Variants in CMIP observed in about 807,000 individuals in gnomAD.
The protein encoded by CMIP is c-Maf inducing protein, also known as C-Maf-inducing protein.
CMIP carries 13 observed loss-of-function variants against 97.3 expected under a neutral mutation model. The observed-to-expected ratio is 0.13, with a 90% CI of 0.09 to 0.21. The LOEUF is 0.21. Among genes scored for constraint, CMIP ranks in the 10% least tolerant of loss-of-function variants. The pLI is 1.00. For missense variants in CMIP, 847 were observed against 1,024.9 expected (o/e 0.83, Z 2.37); for synonymous variants, 538 against 436.3 (o/e 1.23, Z -2.91).
chr16:81,620,114 T>C (rs1358029675), intron 2 of CMIP: 1 of 152,220 alleles, frequency 6.6e-6, no homozygotes, highest in Admixed American at 6.5e-5. Flanking sequence ...TTCTGGTCTT[T>C]AAAACATCCC....
chr16:81,662,797 G>A (rs1173021621), intron 6 of CMIP, among the ~76,000 whole-genome samples: 3 of 152,240 alleles, frequency 2.0e-5, no homozygotes, highest in South Asian at 4.2e-4. Flanking sequence ...ACAAAACACC[G>A]CGCTGGTGAT....
At chr16:81,702,123 C>G (rs1008223085) in intron 16 of CMIP, among the ~76,000 whole-genome samples, 1 of 152,160 alleles carries the variant, frequency 6.6e-6, no homozygotes, top group African/African-American at 2.4e-5. Context: ...TGCTGAAGGA[C>G]TTTGTATGTC....
intron 1 of CMIP, among the ~76,000 whole-genome samples, chr16:81,586,564 C>T (rs2091385963): frequency 6.6e-6 from 1 of 152,170 alleles, no homozygotes. Context: ...GCACTGTAGC[C>T]TGCCACGCAA....
chr16:81,685,362 G>A (rs776779723), intron 10 of CMIP, among the ~76,000 whole-genome samples: 23 of 152,100 alleles, frequency 1.5e-4, no homozygotes, highest in Non-Finnish European at 2.2e-4. Context: ...TACAGGCCAC[G>A]CTCACGGTTC....
intron 1 of CMIP, among the ~76,000 whole-genome samples, chr16:81,487,744 G>A (rs1567540182): frequency 6.6e-6 from 1 of 152,192 alleles, no homozygotes; most frequent in Non-Finnish European, 1.5e-5. Context: ...AGGATTAAAG[G>A]AAAAAACCCA....
intron 1 of CMIP, among the ~76,000 whole-genome samples, chr16:81,511,497 C>G (rs1158255707): frequency 6.6e-6 from 1 of 152,236 alleles, no homozygotes. Context: ...ATTGCTTCCT[C>G]ATGGTGTCAT....
intron 8 of CMIP, among the ~76,000 whole-genome samples, chr16:81,671,197 T>C (rs2092680459): frequency 6.6e-6 from 1 of 152,228 alleles, no homozygotes; most frequent in Admixed American, 6.5e-5. Flanking sequence ...ATTTCCTAAA[T>C]ATGCCCACTT....
chr16:81,685,722 T>G (rs1905309540), intron 10 of CMIP, among the ~76,000 whole-genome samples: 1 of 151,550 alleles, frequency 6.6e-6, no homozygotes, highest in South Asian at 2.1e-4. Flanking sequence ...TTTTTTTTTT[T>G]TTTTTTAACT....
chr16:81,652,478 C>T lies in CMIP; in HGVS notation c.639+114C>T, dbSNP rs2092439450. The T allele has an allele frequency of 5.2e-6, 5 of 956,776 alleles. No individual in the cohort carries two copies. Among genetic ancestry groups the T allele is most frequent in the Non-Finnish European group, 7.8e-6 (5 of 637,170 alleles). The allele number at this position is 956,776 out of a possible 1,614,324, so 59.3% of individuals were successfully genotyped here. ...GCTCCGTGTGGGCTGTGTTGTTGCC[C>T]TGCTGCCGAAGGAGGTGAGCAGTTG... On this transcript the variant is annotated intron_variant, in intron 4 of 20. Transcript: ENST00000537098. This position sits in a 1 kb window ranked among gnomAD's most constrained non-coding sequence, Gnocchi z 5.2.
chr16:81,705,684 C>G, intron 19 of CMIP, 80 bp downstream of exon 19: 2 of 910,414 alleles, frequency 2.2e-6, no homozygotes. Context: ...TGGCCAAGCA[C>G]TGACTTTGCA....
intron 1 of CMIP, among the ~76,000 whole-genome samples, chr16:81,471,455 C>G (rs1907545589): frequency 6.6e-6 from 1 of 152,188 alleles, no homozygotes; most frequent in Admixed American, 6.5e-5. Context: ...TGCATATGTA[C>G]ACATACACAT....
intron 3 of CMIP, among the ~76,000 whole-genome samples, chr16:81,637,218 G>A (rs1163982960): frequency 6.6e-5 from 10 of 152,012 alleles, no homozygotes; most frequent in Admixed American, 1.3e-4. Context: ...TTACAGGTGC[G>A]TGCCACCATG....
intron 18 of CMIP, 93 bp downstream of exon 18, chr16:81,704,178 T>A: frequency 3.3e-6 from 3 of 907,062 alleles, no homozygotes; most frequent in Non-Finnish European, 4.7e-6. Flanking sequence ...TCCTTTCCCC[T>A]CAGCCTCCTC....
rs1477862137 is a variant in CMIP at position 81,710,569 on chromosome 16, TA to T, written c.*772del. On this transcript the variant is annotated 3_prime_UTR_variant, in exon 21 of 21. Transcript: ENST00000537098. ...AAAAAAAGAACCTCCTTGGAAAAAT[TA>T]ATTGCTTTTTCGTAATGGATTCTCT... is the stretch of plus-strand genomic sequence containing the variant. The T allele has an allele frequency of 6.6e-6, 1 of 151,856 alleles. No individual in the cohort carries two copies. The highest frequency in any genetic ancestry group is 2.4e-5 in the African/African-American group (1 of 41,186). 9.4% of individuals were successfully genotyped at this position (151,856 alleles called of 1,614,324 possible).
intron 3 of CMIP, among the ~76,000 whole-genome samples, chr16:81,626,502 T>C (rs751274504): frequency 6.9e-6 from 1 of 145,008 alleles, no homozygotes; most frequent in Non-Finnish European, 1.5e-5. Flanking sequence ...ATGTGTGGGG[T>C]GACTGAGCAT....
intron 1 of CMIP, among the ~76,000 whole-genome samples, chr16:81,528,000 A>C (rs2090164713): frequency 6.6e-6 from 1 of 152,208 alleles, no homozygotes; most frequent in Admixed American, 6.5e-5. Context: ...AGAGAAAACC[A>C]ACCTGTTTTC....
intron 1 of CMIP, among the ~76,000 whole-genome samples, chr16:81,516,303 C>G (rs1441625765): frequency 2.0e-5 from 3 of 152,228 alleles, no homozygotes; most frequent in East Asian, 3.8e-4. Flanking sequence ...CTAAAATACA[C>G]ATGGAATCGC....
At chr16:81,595,340 T>C (rs1394350719) in intron 1 of CMIP, among the ~76,000 whole-genome samples, 1 of 152,148 alleles carries the variant, frequency 6.6e-6, no homozygotes, top group Non-Finnish European at 1.5e-5. Flanking sequence ...ATGTGTGGTC[T>C]TTTGTGTGGC....
chr16:81,512,831 G>C (rs1325840325), intron 1 of CMIP, among the ~76,000 whole-genome samples: 1 of 152,070 alleles, frequency 6.6e-6, no homozygotes, highest in Non-Finnish European at 1.5e-5. Context: ...CTGCTTCCTG[G>C]GTTCAAGCAA....
Sources: gnomAD v4.1 joint callset for allele counts (sites outside exome capture counted in the v4.1 genomes callset) on GRCh38, gnomAD v4.1.1 for gene constraint, Gnocchi (gnomAD v3.1) non-coding constraint, MANE v1.5 for transcripts, NCBI Gene and HGNC (gene_info 2026-07-23, HGNC 2026-07-21) for gene names.